The following ARPC1B variants were observed in gnomAD, a reference collection of about 807,000 sequenced individuals.
ARPC1B encodes actin-related protein 2/3 complex subunit 1B.
ARPC1B carries 29 observed loss-of-function variants against 46.0 expected under a neutral mutation model. The observed-to-expected ratio is 0.63, with a 90% CI of 0.47 to 0.86. The LOEUF is 0.86. Among genes scored for constraint, ARPC1B ranks in the 40% least tolerant of loss-of-function variants. The pLI, the probability that ARPC1B is intolerant of heterozygous loss-of-function variation, is 0.00. For missense variants in ARPC1B, 469 were observed against 529.4 expected (o/e 0.89, Z 1.12); for synonymous variants, 201 against 213.9 (o/e 0.94, Z 0.53).
chr7:99,379,941 G>A (rs1003011000), intron 1 of ARPC1B, among the ~76,000 whole-genome samples: 6 of 152,046 alleles, frequency 3.9e-5, no homozygotes, highest in African/African-American at 2.4e-5. Context: ...CACTGTGCCC[G>A]GCTATCCCCT....
chr7:99,375,573 GCCTGGGGAGTCAGACCTCC>G lies in ARPC1B; in HGVS notation c.-14+795_-14+813del, dbSNP rs1338730785. Among the ~76,000 whole-genome samples the G allele has an allele frequency of 7.2e-5, 11 of 152,090 alleles. No individual in the cohort carries two copies. In the East Asian group the frequency reaches 2.1e-3, roughly 30 times the overall value. On this transcript the variant is annotated intron_variant, in intron 1 of 9. Transcript: ENST00000646101. ...GGCAGTGAAGGGATCAGGAGTGCAA[GCCTGGGGAGTCAGACCTCC>G]CCCTGCCTCCTCTGCCAATGCAGCC...
Position 99,391,168 on chromosome 7 carries a change from C to CT in ARPC1B, c.708-9dup. 6.2e-7 allele frequency: 1 copy of CT among 1,613,902 alleles called. No individual in the cohort carries two copies. The highest frequency in any genetic ancestry group is 8.5e-7 in the Non-Finnish European group (1 of 1,179,896). ...GTGGGACACCGTGACTCACAGCTCT[C>CT]TCCCCTCAGCGTCGCGACTCTGGCC... On this transcript the variant is annotated splice_polypyrimidine_tract_variant and intron_variant, in intron 6 of 9. Transcript: ENST00000646101.
chr7:99,376,690 G>A (rs1370893764), intron 1 of ARPC1B: 1 of 152,214 alleles, frequency 6.6e-6, no homozygotes, highest in Non-Finnish European at 1.5e-5. Context: ...GACCAACGTG[G>A]TGAAACCCCG....
intron 4 of ARPC1B, chr7:99,388,975 C>T (rs1313103740): frequency 1.5e-5 from 2 of 131,100 alleles, no homozygotes; most frequent in African/African-American, 3.2e-5. Context: ...CTTGCTCTGT[C>T]GTCCAGGCTG....
chr7:99,387,687 A>C (rs1794435519), intron 3 of ARPC1B, among the ~76,000 whole-genome samples: 1 of 147,352 alleles, frequency 6.8e-6, no homozygotes, highest in South Asian at 2.1e-4. Context: ...CAGTGAGCTG[A>C]GATCGTGCCA....
rs376219355 is a variant in ARPC1B, at chr7:99,391,031, C to T, written c.639C>T (p.Ser213=). ...TACATGGCGTCTGTTTCTCAGCCAGCGGGAGCCGCGTGGCCTGGGTAAGCC... is the reference window on the plus strand; with the variant it reads ...TACATGGCGTCTGTTTCTCAGCCAGTGGGAGCCGCGTGGCCTGGGTAAGCC... The part of the protein sequence containing the change: ...GWVHGVCFSA[S]GSRVAWVSHD... The change falls in exon 6 of 10, where the codon AGC becomes AGT. Residue 213 remains serine, a synonymous_variant. Transcript: ENST00000646101. 6 of 1,613,784 alleles carry T rather than the reference C, an allele frequency of 3.7e-6. No individual in the cohort carries two copies. In the African/African-American group the frequency reaches 4.0e-5, roughly 11 times the overall value.
chr7:99,389,832 G>A (rs1794509744), intron 4 of ARPC1B, 73 bp from the exon 5 acceptor site: 2 of 1,271,402 alleles, frequency 1.6e-6, no homozygotes, highest in African/African-American at 2.9e-5. Context: ...GGAGCCTGGA[G>A]TCCCTGGTGC....
rs570177201 is a variant in ARPC1B at position 99,386,907 on chromosome 7, A to G, written c.169+118A>G. 2.4e-4 allele frequency: 186 copies of G among 766,996 alleles called. 1 individual carries two copies. The highest frequency in any genetic ancestry group is 3.6e-4 in the Non-Finnish European group (166 of 462,476). The allele number at this position is 766,996 out of a possible 1,614,324, so 47.5% of individuals were successfully genotyped here. ...TCTGCCCACTCACCGTGAAACCCGG[A>G]TTCAAACTGGCTTCAATTTTAAGGG... On this transcript the variant is annotated intron_variant, in intron 3 of 9. Transcript: ENST00000646101.
At chr7:99,382,403 A>G (rs971936761) in intron 1 of ARPC1B, among the ~76,000 whole-genome samples, 52 of 111,494 alleles carry the variant, frequency 4.7e-4, no homozygotes, top group East Asian at 2.1e-3. Context: ...CTTCATCTCG[A>G]AAAAAAAAAA....
intron 1 of ARPC1B, among the ~76,000 whole-genome samples, chr7:99,380,168 G>A (rs751949031): frequency 9.2e-5 from 14 of 152,172 alleles, no homozygotes; most frequent in Non-Finnish European, 2.1e-4. Flanking sequence ...GCTCACGCAG[G>A]CTTGGTAGGT....
At chr7:99,386,346 G>C (rs1794390468) in intron 2 of ARPC1B, 3 of 472,862 alleles carry the variant, frequency 6.3e-6, no homozygotes, top group Admixed American at 5.4e-5. Context: ...GAGACCCAGA[G>C]GGGGAGAGGA....
chr7:99,385,188 G>A (rs973376366), intron 1 of ARPC1B, among the ~76,000 whole-genome samples: 19 of 150,906 alleles, frequency 1.3e-4, no homozygotes, highest in East Asian at 3.9e-4. Flanking sequence ...ACTCCTGGCC[G>A]CAAGTGATCC....
At chr7:99,394,253 G>A (rs1017607547) in intron 9 of ARPC1B, 134 bp downstream of exon 9, 20 of 1,165,462 alleles carry the variant, frequency 1.7e-5, no homozygotes, top group East Asian at 7.5e-5. Flanking sequence ...GGGTGGGGGC[G>A]GCCCCTTGAC....
intron 1 of ARPC1B, among the ~76,000 whole-genome samples, chr7:99,377,973 C>T (rs1373163825): frequency 1.3e-5 from 2 of 152,070 alleles, no homozygotes; most frequent in African/African-American, 2.4e-5. Context: ...CGTAGCATCT[C>T]AACATGTTAA....
At chr7:99,387,889 G>A (rs1488379352) in intron 3 of ARPC1B, 150 bp from the exon 4 acceptor site, 12 of 614,062 alleles carry the variant, frequency 2.0e-5, no homozygotes, top group Middle Eastern at 4.4e-4. Context: ...GACAGAGCGA[G>A]ACTCTGTTTC....
chr7:99,392,951 C>A (rs543957041), intron 8 of ARPC1B, 75 bp downstream of exon 8: 3 of 1,397,188 alleles, frequency 2.1e-6, no homozygotes, highest in East Asian at 2.6e-5. Flanking sequence ...GAGGAAGGGG[C>A]CTGGAGTCTT....
intron 4 of ARPC1B, 150 bp downstream of exon 4, chr7:99,388,411 CAAGGG>C: frequency 2.6e-6 from 2 of 757,776 alleles, no homozygotes; most frequent in Non-Finnish European, 4.3e-6. Flanking sequence ...ATTCATGAGG[CAAGGG>C]CCTCTCTGCA....
intron 1 of ARPC1B, among the ~76,000 whole-genome samples, chr7:99,380,708 G>A (rs1794190506): frequency 6.6e-6 from 1 of 152,260 alleles, no homozygotes; most frequent in Admixed American, 6.5e-5. Flanking sequence ...AGCCAGGGCA[G>A]AGATGTGGCT....
chr7:99,392,886 G>C lies in ARPC1B; in HGVS notation c.989+10G>C, dbSNP rs1298663846. 6.5e-7 allele frequency: 1 copy of C among 1,529,820 alleles called. No individual in the cohort carries two copies. Among genetic ancestry groups the C allele is most frequent in the Non-Finnish European group, 8.8e-7 (1 of 1,134,078 alleles). 94.8% of individuals were successfully genotyped at this position (1,529,820 alleles called of 1,614,324 possible). Reference sequence around the variant, plus strand: ...ACAAGAACAGCGTCAGGTGAGAGCGGGAGCCGGGCCGGCGGGTGGGCGGGG... The same window carrying C: ...ACAAGAACAGCGTCAGGTGAGAGCGCGAGCCGGGCCGGCGGGTGGGCGGGG... On this transcript the variant is annotated intron_variant, in intron 8 of 9. Transcript: ENST00000646101.
Sources: allele counts gnomAD v4.1 joint callset (sites outside exome capture counted in the v4.1 genomes callset), GRCh38; gene constraint gnomAD v4.1.1; transcripts MANE v1.5; gene names NCBI Gene and HGNC (gene_info 2026-07-23, HGNC 2026-07-21).